The following CTNNBL1 variants were observed in gnomAD, a reference collection of about 807,000 sequenced individuals.
CTNNBL1 encodes catenin beta like 1.
Under a neutral mutation model 72.7 loss-of-function variants are expected in CTNNBL1, and 31 were observed. The observed-to-expected ratio is 0.43, with a 90% CI of 0.32 to 0.58. The LOEUF is 0.58. Among genes scored for constraint, CTNNBL1 ranks in the 20% least tolerant of loss-of-function variants. The pLI is 0.08. For missense variants in CTNNBL1, 534 were observed against 725.1 expected (o/e 0.74, Z 3.03); for synonymous variants, 240 against 267.3 (o/e 0.90, Z 1.00).
chr20:37,752,501 A>T (rs536136571), intron 4 of CTNNBL1, among the ~76,000 whole-genome samples: 5 of 152,254 alleles, frequency 3.3e-5, no homozygotes, highest in African/African-American at 1.2e-4. Context: ...TTGTCTTAAG[A>T]AAGCCTTTTT....
At chr20:37,796,775 C>T (rs1185498844) in intron 10 of CTNNBL1, among the ~76,000 whole-genome samples, 2 of 152,158 alleles carry the variant, frequency 1.3e-5, no homozygotes, top group Admixed American at 1.3e-4. Context: ...AGCTCTACAC[C>T]TTCTTTATTT....
chr20:37,796,891 C>T (rs2073779557), intron 10 of CTNNBL1, among the ~76,000 whole-genome samples: 1 of 152,158 alleles, frequency 6.6e-6, no homozygotes, highest in African/African-American at 2.4e-5. Context: ...CTCTGAAGTG[C>T]ACATGTTACT....
At chr20:37,696,812 A>G (rs966632050) in intron 1 of CTNNBL1, among the ~76,000 whole-genome samples, 4 of 152,180 alleles carry the variant, frequency 2.6e-5, no homozygotes, top group African/African-American at 9.7e-5. Flanking sequence ...AACACTTACG[A>G]TATATTGGAT....
At chr20:37,732,612 TG>T (rs1242768378) in intron 1 of CTNNBL1, among the ~76,000 whole-genome samples, 1 of 152,232 alleles carries the variant, frequency 6.6e-6, no homozygotes, top group Non-Finnish European at 1.5e-5. Context: ...CCCCATGTGG[TG>T]GGAGAAGTTG....
chr20:37,766,226 G>A (rs536411369), intron 6 of CTNNBL1, among the ~76,000 whole-genome samples: 2 of 152,332 alleles, frequency 1.3e-5, no homozygotes, highest in African/African-American at 4.8e-5. Flanking sequence ...ATTGCCATTT[G>A]TTAGCAGAGT....
chr20:37,801,007 A>C (rs1217373740), intron 10 of CTNNBL1, among the ~76,000 whole-genome samples: 1 of 152,346 alleles, frequency 6.6e-6, no homozygotes, highest in East Asian at 1.9e-4. Flanking sequence ...AATCTAAGAG[A>C]TCCACGCCAG....
chr20:37,790,644 C>T (rs2073716049), intron 10 of CTNNBL1, among the ~76,000 whole-genome samples: 1 of 152,106 alleles, frequency 6.6e-6, no homozygotes, highest in Non-Finnish European at 1.5e-5. Flanking sequence ...CTGGCGTTAC[C>T]TTTTAATAAA....
intron 10 of CTNNBL1, among the ~76,000 whole-genome samples, chr20:37,797,643 A>G (rs1600494229): frequency 6.6e-6 from 1 of 151,918 alleles, no homozygotes; most frequent in Non-Finnish European, 1.5e-5. Context: ...TTCAATCAGA[A>G]CTCAACCCTT....
At chr20:37,775,190 GAA>G (rs1355824780) in intron 7 of CTNNBL1, among the ~76,000 whole-genome samples, 5 of 152,122 alleles carry the variant, frequency 3.3e-5, no homozygotes. Flanking sequence ...CAAATTGAAA[GAA>G]AAAATATTTT....
At chr20:37,831,617 C>T (rs779240497) in intron 11 of CTNNBL1, among the ~76,000 whole-genome samples, 4 of 152,156 alleles carry the variant, frequency 2.6e-5, no homozygotes, top group African/African-American at 7.2e-5. Flanking sequence ...CTGCCCGCCT[C>T]GGCCTCCCAA....
rs554078429 is a variant in CTNNBL1, at chr20:37,705,603, A to T, written c.30+11451A>T. Among the ~76,000 whole-genome samples, 3 of 152,364 alleles carry T rather than the reference A, an allele frequency of 2.0e-5. No homozygotes were observed. The East Asian group carries it at 5.8e-4, about 29-fold the overall frequency. On this transcript the variant is annotated intron_variant, in intron 1 of 15. Transcript: ENST00000361383. ...CACATGCTACAGTATAGAAATGTTC[A>T]CAGTAGGTTAAAATACAACTTTATT... is the stretch of plus-strand genomic sequence containing the variant.
chr20:37,717,164 T>C (rs2072992971), intron 1 of CTNNBL1, among the ~76,000 whole-genome samples: 2 of 151,626 alleles, frequency 1.3e-5, no homozygotes, highest in African/African-American at 4.9e-5. Context: ...GCCACTCCTA[T>C]TGGAAAAGGG....
In CTNNBL1 at chr20:37,790,412, C is replaced by A. The variant is rs190148452; in HGVS notation, c.1031+11077C>A. Among the ~76,000 whole-genome samples the A allele has an allele frequency of 1.8e-3, 269 of 152,246 alleles. 1 individual carries two copies. The highest frequency in any genetic ancestry group is 6.2e-3 in the East Asian group (32 of 5,184). On this transcript the variant is annotated intron_variant, in intron 10 of 15. Transcript: ENST00000361383. ...GCAAAAGCAAAATTATAATGGAAAT[C>A]TTTTAGAAGTCAGCTGTGCTTCTTG...
intron 13 of CTNNBL1, among the ~76,000 whole-genome samples, chr20:37,847,108 C>G: frequency 6.6e-6 from 1 of 152,114 alleles, no homozygotes; most frequent in South Asian, 2.1e-4. Context: ...ATTTTTAACC[C>G]TGATTTTTGT....
chr20:37,846,790 C>T (rs568990020), intron 13 of CTNNBL1, among the ~76,000 whole-genome samples: 1 of 152,260 alleles, frequency 6.6e-6, no homozygotes, highest in African/African-American at 2.4e-5. Flanking sequence ...TCCCTTCTGC[C>T]CTGAGCCTCC....
At chr20:37,713,892 G>A (rs1435471501) in intron 1 of CTNNBL1, among the ~76,000 whole-genome samples, 2 of 152,048 alleles carry the variant, frequency 1.3e-5, no homozygotes, top group Non-Finnish European at 2.9e-5. Flanking sequence ...TGTGCTGTTC[G>A]ACTTATGTGT....
At chr20:37,779,703 C>G (rs965196136) in intron 10 of CTNNBL1, among the ~76,000 whole-genome samples, 15 of 152,132 alleles carry the variant, frequency 9.9e-5, no homozygotes, top group African/African-American at 3.6e-4. Flanking sequence ...ATAGACCTAT[C>G]TATGCCATAT....
chr20:37,796,249 T>C (rs541329914), intron 10 of CTNNBL1, among the ~76,000 whole-genome samples: 1 of 152,290 alleles, frequency 6.6e-6, no homozygotes, highest in South Asian at 2.1e-4. Flanking sequence ...CGCTTGTCAG[T>C]TCTGGAGACT....
At chr20:37,774,201 A>G (rs926646879) in intron 7 of CTNNBL1, among the ~76,000 whole-genome samples, 2 of 152,114 alleles carry the variant, frequency 1.3e-5, no homozygotes, top group African/African-American at 4.8e-5. Context: ...GGTGTGAGCC[A>G]CTGCGCCTGG....
Sources: allele counts gnomAD v4.1 joint callset (sites outside exome capture counted in the v4.1 genomes callset), GRCh38; gene constraint gnomAD v4.1.1; transcripts MANE v1.5; gene names NCBI Gene and HGNC (gene_info 2026-07-23, HGNC 2026-07-21).